The following MAPKBP1 variants were observed in gnomAD, a reference collection of about 807,000 sequenced individuals.
The protein encoded by MAPKBP1 is mitogen-activated protein kinase-binding protein 1.
In MAPKBP1, 71 loss-of-function variants were observed where a neutral mutation model predicts 170.5. The observed-to-expected ratio is 0.42, with a 90% CI of 0.34 to 0.51. The LOEUF (loss-of-function observed/expected upper bound fraction) is 0.51. Among genes scored for constraint, MAPKBP1 ranks in the 20% least tolerant of loss-of-function variants. MAPKBP1 has a pLI of 0.06. For missense variants in MAPKBP1, 1,598 were observed against 1,933.0 expected (o/e 0.83, Z 3.25); for synonymous variants, 719 against 757.9 (o/e 0.95, Z 0.84).
intron 22 of MAPKBP1, among the ~76,000 whole-genome samples, 177 bp downstream of exon 22, chr15:41,819,827 G>A (rs2064964880): frequency 6.6e-6 from 1 of 152,178 alleles, no homozygotes; most frequent in South Asian, 2.1e-4. Flanking sequence ...GGTCCTGGGT[G>A]CGGGGGTGAA....
intron 2 of MAPKBP1, among the ~76,000 whole-genome samples, chr15:41,784,780 C>CAAAA (rs35050206): frequency 1.1e-5 from 1 of 94,856 alleles, no homozygotes; most frequent in East Asian, 2.8e-4. Flanking sequence ...GACTCCGTCT[C>CAAAA]AAAAAAAAAA....
At chr15:41,784,726 G>A (rs1261481351) in intron 2 of MAPKBP1, among the ~76,000 whole-genome samples, 1 of 146,042 alleles carries the variant, frequency 6.8e-6, no homozygotes, top group Non-Finnish European at 1.5e-5. Flanking sequence ...AGGTTGCAGT[G>A]AGCCGAGATG....
rs548812240 is a variant in MAPKBP1, at chr15:41,797,937, C to T, written c.115-1886C>T. ...CCTTCCAACCTAATTCAAGCTAAAA[C>T]GATCTTCAGAGATAAGAATTTAAAC... On this transcript the variant is annotated intron_variant, in intron 2 of 30. Coordinates refer to ENST00000457542, the MANE Select transcript of MAPKBP1 (RefSeq NM_014994.3). 8.5e-5 allele frequency among the ~76,000 whole-genome samples: 13 copies of T among 152,176 alleles called. No individual in the cohort carries two copies. The South Asian group carries it at 1.2e-3, about 15-fold the overall frequency.
rs114850645 is a variant in MAPKBP1, at chr15:41,796,612, C to T, written c.115-3211C>T. On this transcript the variant is annotated intron_variant, in intron 2 of 30. Transcript: ENST00000457542. ...GCCAAAGGAAACTGCTTTTCCCCCC[C>T]CTTGGATAGCTGCTTAGAAAGCCAG... is the stretch of plus-strand genomic sequence containing the variant. Among the ~76,000 whole-genome samples the T allele has an allele frequency of 9.9e-3, 1,490 of 151,014 alleles. 19 individuals carry two copies. The highest frequency in any genetic ancestry group is 0.035 in the African/African-American group (1,400 of 40,348).
rs543505962 is a variant in MAPKBP1, at chr15:41,813,180, A to G, written c.819+79A>G. The G allele has an allele frequency of 1.5e-5, 23 of 1,544,292 alleles. No individual in the cohort carries two copies. The African/African-American group carries it at 2.0e-4, about 14-fold the overall frequency. ...GAACTAGTGCCCAGGGCTTCAGACTAGGGGCTGGTCCCTTGTGCATACGGG... is the reference window on the plus strand; with the variant it reads ...GAACTAGTGCCCAGGGCTTCAGACTGGGGGCTGGTCCCTTGTGCATACGGG... On this transcript the variant is annotated intron_variant, in intron 8 of 30. Transcript: ENST00000457542.
chr15:41,778,048 A>G (rs538017977), intron 2 of MAPKBP1, among the ~76,000 whole-genome samples: 1 of 152,280 alleles, frequency 6.6e-6, no homozygotes, highest in East Asian at 1.9e-4. Context: ...CTAGTCCCCC[A>G]CCTTGAAACC....
Position 41,812,630 on chromosome 15 carries a change from C to T in MAPKBP1, c.613C>T (p.Leu205Phe). ...CAACCGACACATCAAATTCTGGTAT[C>T]TCGATGACAGCAAGACCTCAAAGGT... Reference protein sequence around the residue: ...AGNRHIKFWYLDDSKTSKVNA... With the variant: ...AGNRHIKFWYFDDSKTSKVNA... The change falls in exon 7 of 31, where the codon CTC becomes TTC. Residue 205 changes from leucine to phenylalanine, a missense_variant. Transcript: ENST00000457542. 1 of 1,611,190 alleles carries T rather than the reference C, an allele frequency of 6.2e-7. No homozygotes were observed. The highest frequency in any genetic ancestry group is 8.5e-7 in the Non-Finnish European group (1 of 1,178,182).
chr15:41,781,619 G>A (rs1394455702), intron 2 of MAPKBP1, among the ~76,000 whole-genome samples: 1 of 151,946 alleles, frequency 6.6e-6, no homozygotes, highest in Admixed American at 6.6e-5. Flanking sequence ...TTCCAGCCTG[G>A]GCAACAGAGT....
At chr15:41,816,518 G>A in intron 12 of MAPKBP1, 41 bp from the exon 13 acceptor site, 1 of 1,439,180 alleles carries the variant, frequency 6.9e-7, no homozygotes, top group Non-Finnish European at 9.8e-7. Flanking sequence ...CCTTCCTGCG[G>A]CCTGGCCATG....
chr15:41,822,547 A>G, intron 26 of MAPKBP1, 46 bp from the exon 27 acceptor site: 1 of 1,610,366 alleles, frequency 6.2e-7, no homozygotes, highest in South Asian at 1.1e-5. Context: ...ATCTGGGGCA[A>G]GGGCTTGGTT....
In MAPKBP1 at chr15:41,817,395, T is replaced by C; in HGVS notation, c.1719T>C (p.Asp573=). The C allele has an allele frequency of 2.5e-6, 4 of 1,606,834 alleles. No individual in the cohort carries two copies. The highest frequency in any genetic ancestry group is 2.6e-6 in the Non-Finnish European group (3 of 1,175,838). The part of the protein sequence containing the change: ...SITAVKFAAS[D]GQVRMISCGA... ...GGCTTCCCTCCTTCATAGCCAGTGA[T>C]GGGCAAGTCCGCATGATCAGCTGTG... The change falls in exon 15 of 31, where the codon GAT becomes GAC. Residue 573 remains aspartate, a synonymous_variant. Coordinates refer to ENST00000457542, the MANE Select transcript of MAPKBP1 (RefSeq NM_014994.3). The surrounding 1 kb of genome is among the most constrained non-coding windows in gnomAD (Gnocchi z 4.2).
intron 2 of MAPKBP1, among the ~76,000 whole-genome samples, chr15:41,787,016 AG>A (rs928760777): frequency 4.7e-5 from 7 of 147,876 alleles, no homozygotes; most frequent in African/African-American, 1.0e-4. Context: ...ATCCTGCCTC[AG>A]CCTCCCGAGT....
chr15:41,807,759 T>A (rs979219456), intron 3 of MAPKBP1, among the ~76,000 whole-genome samples: 1 of 152,158 alleles, frequency 6.6e-6, no homozygotes, highest in Non-Finnish European at 1.5e-5. Context: ...TAAATTTGGC[T>A]GGGCACAGTG....
chr15:41,816,663 C>T lies in MAPKBP1; in HGVS notation c.1585+13C>T, dbSNP rs1299450363. 1.2e-6 allele frequency: 2 copies of T among 1,610,418 alleles called. No individual in the cohort carries two copies. Among genetic ancestry groups the T allele is most frequent in the Admixed American group, 1.7e-5 (1 of 59,974 alleles). On this transcript the variant is annotated intron_variant, in intron 13 of 30. Transcript: ENST00000457542. Reference sequence around the variant, plus strand: ...AAGCCAGACACAGGTTAGGAGAATGCCCGGAATGGCACAGGGCTCCTCCAG... The same window carrying T: ...AAGCCAGACACAGGTTAGGAGAATGTCCGGAATGGCACAGGGCTCCTCCAG...
At position 41,819,125 on chromosome 15, in the gene MAPKBP1, C is replaced by G. The variant is rs2064942452; in HGVS notation, c.2292-121C>G. On this transcript the variant is annotated intron_variant, in intron 20 of 30. Transcript: ENST00000457542. ...CAGCCTCTTCCCCCTGTTGAGTCTC[C>G]TCTCCCCCTATTGAGTCTCATCTTC... 1.5e-5 allele frequency: 21 copies of G among 1,440,436 alleles called. No individual in the cohort carries two copies. In the South Asian group the frequency reaches 2.4e-4, roughly 17 times the overall value. 89.2% of individuals were successfully genotyped at this position (1,440,436 alleles called of 1,614,324 possible).
At chr15:41,799,258 T>C (rs1408532861) in intron 2 of MAPKBP1, among the ~76,000 whole-genome samples, 8 of 152,144 alleles carry the variant, frequency 5.3e-5, no homozygotes, top group Admixed American at 1.3e-4. Context: ...TTCTGCCTCC[T>C]TGGAGTGTAG....
chr15:41,814,991 T>C (rs946236059), intron 10 of MAPKBP1, among the ~76,000 whole-genome samples: 1 of 152,196 alleles, frequency 6.6e-6, no homozygotes, highest in African/African-American at 2.4e-5. Flanking sequence ...TTTCCTCACC[T>C]GTAAAATGGT....
chr15:41,822,514 G>T, intron 26 of MAPKBP1, 79 bp from the exon 27 acceptor site: 1 of 1,604,874 alleles, frequency 6.2e-7, no homozygotes, highest in Non-Finnish European at 8.5e-7. Flanking sequence ...ATAGGCTGTG[G>T]CTGGGGGTCT....
Position 41,811,779 on chromosome 15 carries a change from A to G in MAPKBP1, c.328-178A>G, listed in dbSNP as rs992510686. 3.7e-5 allele frequency: 27 copies of G among 728,882 alleles called. No homozygotes were observed. In the East Asian group the frequency reaches 6.7e-4, roughly 18 times the overall value. 45.2% of individuals were successfully genotyped at this position (728,882 alleles called of 1,614,324 possible). ...AATCCGGGGCCACTTTCTTCCTGGT[A>G]ATCACTGTTGCCCTCAGATCTTTAT... On this transcript the variant is annotated intron_variant, in intron 5 of 30. Transcript: ENST00000457542.
Sources: gnomAD v4.1 joint callset for allele counts (sites outside exome capture counted in the v4.1 genomes callset) on GRCh38, gnomAD v4.1.1 for gene constraint, Gnocchi (gnomAD v3.1) non-coding constraint, MANE v1.5 for transcripts, NCBI Gene and HGNC (gene_info 2026-07-23, HGNC 2026-07-21) for gene names.